The following MACROD2 variants were observed in gnomAD, a reference collection of about 807,000 sequenced individuals.
MACROD2 encodes the protein mono-ADP ribosylhydrolase 2.
MACROD2 carries 36 observed loss-of-function variants against 70.4 expected under a neutral mutation model. That is an observed-to-expected ratio of 0.51 (90% CI 0.39 to 0.68). The LOEUF is 0.68. MACROD2 is among the 30% of genes least tolerant of loss of function. The probability of loss-of-function intolerance (pLI) is 0.00; values close to 1 mark genes in which losing one functional copy is unlikely to be tolerated. For missense variants in MACROD2, 496 were observed against 538.4 expected (o/e 0.92, Z 0.78); for synonymous variants, 172 against 178.8 (o/e 0.96, Z 0.30).
At chr20:15,176,687 TC>T (rs2076464836) in intron 5 of MACROD2, among the ~76,000 whole-genome samples, 1 of 152,122 alleles carries the variant, frequency 6.6e-6, no homozygotes, top group Non-Finnish European at 1.5e-5. Flanking sequence ...ATCTCATTCT[TC>T]CTGGATGTGG....
chr20:15,334,836 C>G (rs1015951142), intron 6 of MACROD2, among the ~76,000 whole-genome samples: 1 of 151,488 alleles, frequency 6.6e-6, no homozygotes, highest in Non-Finnish European at 1.5e-5. Flanking sequence ...ATTTAAACCT[C>G]GATTAGAAAC....
At chr20:14,090,733 C>T (rs117385884) in intron 3 of MACROD2, among the ~76,000 whole-genome samples, 495 of 152,180 alleles carry the variant, frequency 3.3e-3, no homozygotes, top group East Asian at 0.011. Context: ...ATGGCAGTAC[C>T]GATATCCCTT....
chr20:15,965,840 C>A (rs931416747), intron 12 of MACROD2, among the ~76,000 whole-genome samples: 1 of 152,060 alleles, frequency 6.6e-6, no homozygotes, highest in African/African-American at 2.4e-5. Flanking sequence ...AGTTTTGCTT[C>A]CAAATTTGGA....
chr20:14,072,977 A>G (rs969823796), intron 2 of MACROD2, among the ~76,000 whole-genome samples: 1 of 152,064 alleles, frequency 6.6e-6, no homozygotes. Context: ...ATGCTATACA[A>G]ATATTAAGAA....
At chr20:15,588,114 G>A (rs2048627613) in intron 8 of MACROD2, among the ~76,000 whole-genome samples, 1 of 152,184 alleles carries the variant, frequency 6.6e-6, no homozygotes, top group Non-Finnish European at 1.5e-5. Context: ...CTAGGCAGAG[G>A]TTCCCAAACC....
intron 5 of MACROD2, among the ~76,000 whole-genome samples, chr20:15,131,104 G>A (rs1046748193): frequency 3.3e-5 from 5 of 152,054 alleles, no homozygotes; most frequent in Non-Finnish European, 5.9e-5. Context: ...AAGGTAAGAA[G>A]GGAATCAAAA....
chr20:15,061,736 G>A (rs964901591), intron 5 of MACROD2, among the ~76,000 whole-genome samples: 16 of 152,192 alleles, frequency 1.1e-4, no homozygotes, highest in Non-Finnish European at 1.8e-4. Context: ...GGCTTTGCAG[G>A]TAAAGCAAAG....
chr20:15,940,167 C>T (rs1257957215), intron 12 of MACROD2, among the ~76,000 whole-genome samples: 2 of 152,016 alleles, frequency 1.3e-5, no homozygotes, highest in African/African-American at 4.8e-5. Flanking sequence ...GATCTTGGCT[C>T]ACTGCAACCT....
intron 3 of MACROD2, among the ~76,000 whole-genome samples, chr20:14,093,734 G>A (rs1336359095): frequency 6.6e-6 from 1 of 151,832 alleles, no homozygotes; most frequent in Non-Finnish European, 1.5e-5. Context: ...CTTATTATCA[G>A]TTAAGAACTA....
chr20:14,048,787 A>G (rs1377590163), intron 2 of MACROD2, among the ~76,000 whole-genome samples: 1 of 152,248 alleles, frequency 6.6e-6, no homozygotes, highest in Non-Finnish European at 1.5e-5. Context: ...AGTCAGTGAC[A>G]TTTAAGGTTA....
intron 6 of MACROD2, among the ~76,000 whole-genome samples, chr20:15,350,171 T>A (rs1321695191): frequency 6.6e-6 from 1 of 152,208 alleles, no homozygotes; most frequent in African/African-American, 2.4e-5. Context: ...AGAGGCTTGG[T>A]ACGCCTTGCT....
intron 6 of MACROD2, among the ~76,000 whole-genome samples, chr20:15,360,949 C>T (rs2078344771): frequency 6.6e-6 from 1 of 151,512 alleles, no homozygotes; most frequent in Non-Finnish European, 1.5e-5. Context: ...TTTTTGGATA[C>T]TAGATATCGG....
intron 8 of MACROD2, among the ~76,000 whole-genome samples, chr20:15,630,266 C>G (rs1024824907): frequency 6.6e-6 from 1 of 152,172 alleles, no homozygotes; most frequent in African/African-American, 2.4e-5. Flanking sequence ...AAGATGATAT[C>G]GCAAGAGATA....
intron 5 of MACROD2, among the ~76,000 whole-genome samples, chr20:15,014,498 A>AG (rs1434759775): frequency 3.3e-5 from 5 of 151,998 alleles, no homozygotes; most frequent in Non-Finnish European, 4.4e-5. Flanking sequence ...TATACGTTGG[A>AG]GATGCTTTTA....
intron 8 of MACROD2, among the ~76,000 whole-genome samples, chr20:15,677,073 G>A (rs2050067484): frequency 6.6e-6 from 1 of 152,166 alleles, no homozygotes; most frequent in African/African-American, 2.4e-5. Flanking sequence ...AATTAGTAGT[G>A]TGAAAAGATA....
intron 3 of MACROD2, among the ~76,000 whole-genome samples, chr20:14,103,967 A>G (rs2054333826): frequency 6.6e-6 from 1 of 152,150 alleles, no homozygotes; most frequent in Admixed American, 6.6e-5. Context: ...TGGAAGCATG[A>G]AAGTTTTAAA....
At chr20:14,949,976 G>T (rs1160118099) in intron 5 of MACROD2, among the ~76,000 whole-genome samples, 1 of 152,110 alleles carries the variant, frequency 6.6e-6, no homozygotes, top group African/African-American at 2.4e-5. Context: ...CAGCTCAAGT[G>T]CATGTCAGGG....
intron 8 of MACROD2, among the ~76,000 whole-genome samples, chr20:15,551,334 AT>A (rs1186731802): frequency 1.4e-4 from 18 of 131,470 alleles, no homozygotes; most frequent in Middle Eastern, 3.6e-3. Context: ...CTCATTTAAT[AT>A]TTAAAAAAAA....
chr20:15,294,325 T>C (rs2146113081), intron 6 of MACROD2, among the ~76,000 whole-genome samples: 1 of 152,182 alleles, frequency 6.6e-6, no homozygotes, highest in South Asian at 2.1e-4. Flanking sequence ...ACTGCCACCA[T>C]CTTTATTGTT....
Sources: allele counts gnomAD v4.1 joint callset (sites outside exome capture counted in the v4.1 genomes callset), GRCh38; gene constraint gnomAD v4.1.1; transcripts MANE v1.5; gene names NCBI Gene and HGNC (gene_info 2026-07-23, HGNC 2026-07-21).